The following SND1 variants were observed in gnomAD, a reference collection of about 807,000 sequenced individuals.
SND1 encodes staphylococcal nuclease domain-containing protein 1.
Under a neutral mutation model 121.7 loss-of-function variants are expected in SND1, and 38 were observed. The observed-to-expected ratio is 0.31, with a 90% confidence interval of 0.24 to 0.41. The LOEUF (loss-of-function observed/expected upper bound fraction) is 0.41. Among genes scored for constraint, SND1 ranks in the 10% least tolerant of loss-of-function variants. The pLI is 1.00. For synonymous variants in SND1, 401 were observed against 447.4 expected, an observed-to-expected ratio of 0.90 and a Z score of 1.31; for missense variants, 868 against 1,184.6, an observed-to-expected ratio of 0.73 and a Z score of 3.92.
intron 16 of SND1, among the ~76,000 whole-genome samples, chr7:128,011,301 C>A (rs574398863): frequency 6.6e-6 from 1 of 152,306 alleles, no homozygotes; most frequent in African/African-American, 2.4e-5. Flanking sequence ...GCTGCCCAGG[C>A]AGCTGGTAAC....
chr7:127,953,097 G>A (rs959008257), intron 15 of SND1, among the ~76,000 whole-genome samples: 1 of 151,722 alleles, frequency 6.6e-6, no homozygotes, highest in Non-Finnish European at 1.5e-5. Flanking sequence ...CTGGGAGGTC[G>A]AGGCTACAGT....
chr7:127,662,890 C>CTTTTTTT (rs34629378), intron 1 of SND1, among the ~76,000 whole-genome samples: 3 of 122,516 alleles, frequency 2.4e-5, no homozygotes, highest in Non-Finnish European at 3.4e-5. Flanking sequence ...CCTCTTTTAT[C>CTTTTTTT]TTTTTTTTTT....
At chr7:128,071,822 T>C (rs913616634) in intron 16 of SND1, among the ~76,000 whole-genome samples, 13 of 152,214 alleles carry the variant, frequency 8.5e-5, no homozygotes, top group Admixed American at 8.5e-4. Context: ...CAGAGCCCCA[T>C]GGGCGACAGC....
intron 11 of SND1, among the ~76,000 whole-genome samples, chr7:127,830,809 A>G (rs1273388796): frequency 6.6e-6 from 1 of 152,188 alleles, no homozygotes; most frequent in Non-Finnish European, 1.5e-5. Flanking sequence ...CCCTCTGTTC[A>G]GAAACTAGCT....
intron 22 of SND1, chr7:128,089,916 A>G: frequency 1.9e-6 from 1 of 532,858 alleles, no homozygotes; most frequent in Non-Finnish European, 3.4e-6. Flanking sequence ...GCTGCAAACT[A>G]GAGCGGAAAG....
At chr7:128,080,060 G>A (rs1793571014) in intron 17 of SND1, among the ~76,000 whole-genome samples, 1 of 152,210 alleles carries the variant, frequency 6.6e-6, no homozygotes. Context: ...TACTCAAAGG[G>A]TTGTTGTAAG....
chr7:128,089,835 T>A lies in SND1; in HGVS notation c.2622+143T>A, dbSNP rs322821. ...AAGATAATGGATTTGGGTTTGTTGG[T>A]GTTTTTTTGTTTTTGTTTTAAAGCT... On this transcript the variant is annotated intron_variant, in intron 22 of 23. Coordinates refer to ENST00000354725, the MANE Select transcript of SND1 (RefSeq NM_014390.4). The A allele has an allele frequency of 1.3e-5, 10 of 774,716 alleles. No individual in the cohort carries two copies. In the East Asian group the frequency reaches 2.7e-4, roughly 21 times the overall value. The allele number at this position is 774,716 out of a possible 1,614,324, so 48.0% of individuals were successfully genotyped here.
chr7:128,030,647 G>A (rs1661689580), intron 16 of SND1: 1 of 1,544,502 alleles, frequency 6.5e-7, no homozygotes, highest in Non-Finnish European at 8.8e-7. Context: ...TCATGGTGTG[G>A]CACGTTCATA....
intron 16 of SND1, among the ~76,000 whole-genome samples, chr7:128,039,620 A>G (rs967593458): frequency 6.6e-6 from 1 of 152,236 alleles, no homozygotes; most frequent in African/African-American, 2.4e-5. Flanking sequence ...GGTATCATAA[A>G]GGCTCACGGG....
In SND1 at chr7:128,089,614, G is replaced by A; in HGVS notation, c.2544G>A (p.Lys848=). 2.5e-6 allele frequency: 4 copies of A among 1,614,226 alleles called. No individual in the cohort carries two copies. The highest frequency in any genetic ancestry group is 1.3e-5 in the African/African-American group (1 of 75,072). ...TCACCCTGCAGTTTGCAGATTCCAA[G>A]GGCGATGTGGGGCTGGGCTTGGTGA... ...PHVTLQFADS[K]GDVGLGLVKE... Residue 848 remains lysine, a synonymous_variant, in exon 22 of 24, where the codon AAG becomes AAA. Transcript: ENST00000354725.
At chr7:127,705,026 C>CAGGGGTGTGAG in intron 8 of SND1, 81 bp downstream of exon 8, 1 of 1,131,384 alleles carries the variant, frequency 8.8e-7, no homozygotes, top group Non-Finnish European at 1.3e-6. Context: ...TTTGCTCACA[C>CAGGGGTGTGAG]CCCTGTGTGT....
intron 11 of SND1, among the ~76,000 whole-genome samples, chr7:127,811,151 A>G (rs903735976): frequency 2.6e-5 from 4 of 152,186 alleles, no homozygotes; most frequent in South Asian, 2.1e-4. Flanking sequence ...CTTTCATGCC[A>G]TTGAAATTTG....
At chr7:127,873,453 G>A (rs911187496) in intron 12 of SND1, among the ~76,000 whole-genome samples, 2 of 152,072 alleles carry the variant, frequency 1.3e-5, no homozygotes, top group Non-Finnish European at 2.9e-5. Flanking sequence ...AATGGGAATT[G>A]GGTAATACAG....
intron 18 of SND1, 147 bp from the exon 19 acceptor site, chr7:128,084,576 TC>T (rs1486439040): frequency 2.7e-6 from 2 of 735,390 alleles, no homozygotes; most frequent in African/African-American, 3.6e-5. Context: ...CAAGAGGGCT[TC>T]CCCGCATGGG....
Position 127,657,326 on chromosome 7 carries a change from G to A in SND1, c.78+4875G>A, listed in dbSNP as rs117291823. ...CTGGGACAGAGTGGTTTGTAGTAAG[G>A]GAGAGGGTGGGTCCTTTGGATACTG... On this transcript the variant is annotated intron_variant, in intron 1 of 23. Transcript: ENST00000354725. Among the ~76,000 whole-genome samples the A allele has an allele frequency of 2.4e-3, 370 of 152,212 alleles. 1 individual carries two copies. Among genetic ancestry groups the A allele is most frequent in the Admixed American group, 4.6e-3 (71 of 15,286 alleles).
At chr7:127,698,086 A>C (rs1796038933) in intron 3 of SND1, among the ~76,000 whole-genome samples, 1 of 152,162 alleles carries the variant, frequency 6.6e-6, no homozygotes, top group Admixed American at 6.5e-5. Context: ...ACCTAATCAG[A>C]TTGGATTTTA....
Position 127,991,010 on chromosome 7 carries a change from G to T in SND1, c.1733G>T (p.Ser578Ile), listed in dbSNP as rs762737183. The T allele has an allele frequency of 1.2e-6, 2 of 1,614,068 alleles. No homozygotes were observed. The highest frequency in any genetic ancestry group is 1.7e-6 in the Non-Finnish European group (2 of 1,179,950). Reference sequence around the variant, plus strand: ...TTGGTGCAGGAAGGAGAGCCCTTCAGCGAGGAAGCTACACTTTTCACCAAG... The same window carrying T: ...TTGGTGCAGGAAGGAGAGCCCTTCATCGAGGAAGCTACACTTTTCACCAAG... ...PGLVQEGEPFSEEATLFTKEL... is the reference protein window; with the variant it reads ...PGLVQEGEPFIEEATLFTKEL... The change falls in exon 16 of 24, where the codon AGC becomes ATC. Residue 578 changes from serine (S) to isoleucine (I), a missense_variant. By Grantham distance (142) the Ser-to-Ile change is moderately radical. Transcript: ENST00000354725.
At chr7:127,959,043 TTTG>T (rs933061847) in intron 15 of SND1, among the ~76,000 whole-genome samples, 14 of 152,306 alleles carry the variant, frequency 9.2e-5, no homozygotes, top group African/African-American at 2.4e-4. Context: ...TGTGGGGTTT[TTTG>T]TTGTTGTTAT....
intron 10 of SND1, among the ~76,000 whole-genome samples, chr7:127,786,843 C>T (rs1023166674): frequency 9.2e-5 from 14 of 152,252 alleles, no homozygotes; most frequent in African/African-American, 3.4e-4. Context: ...GGGGTTTCAC[C>T]GTGTTAGCCA....
Sources: allele counts gnomAD v4.1 joint callset (sites outside exome capture counted in the v4.1 genomes callset), GRCh38; gene constraint gnomAD v4.1.1; transcripts MANE v1.5; gene names NCBI Gene and HGNC (gene_info 2026-07-23, HGNC 2026-07-21).